CSMD1: variants seen among roughly 807,000 people sequenced by gnomAD.
CSMD1 encodes CUB and Sushi multiple domains 1.
A neutral mutation model predicts 417.5 loss-of-function variants in CSMD1; 213 were observed. That is an observed-to-expected ratio of 0.51 (90% CI 0.46 to 0.57). The LOEUF (loss-of-function observed/expected upper bound fraction) is 0.57, where lower values mean the gene tolerates loss of function less well. Among genes scored for constraint, CSMD1 ranks in the 20% least tolerant of loss-of-function variants. The probability of loss-of-function intolerance (pLI) is 0.00; values close to 1 mark genes in which losing one functional copy is unlikely to be tolerated. For missense variants in CSMD1, 6,923 were observed against 4,529.7 expected (o/e 1.53, Z -15.17); for synonymous variants, 2,862 against 1,736.8 (o/e 1.65, Z -16.11).
At position 3,004,235 on chromosome 8, in the gene CSMD1, G is replaced by A. The variant is rs180866568; in HGVS notation, c.8030-4104C>T. Among the ~76,000 whole-genome samples, 13 of 152,224 alleles carry A rather than the reference G, an allele frequency of 8.5e-5. No individual in the cohort carries two copies. In the East Asian group the frequency reaches 2.5e-3, roughly 29 times the overall value. On this transcript the variant is annotated intron_variant, in intron 52 of 69. Transcript: ENST00000635120. ...AGAGGCTGTGATTTGTCTTGATTTT[G>A]CAGACTTTGTTTATTTATTATTCAT...
intron 18 of CSMD1, among the ~76,000 whole-genome samples, chr8:3,385,051 T>C (rs1231561222): frequency 5.2e-5 from 6 of 115,280 alleles, no homozygotes; most frequent in African/African-American, 7.1e-5. Context: ...TATATAAATA[T>C]ATAATATATA....
chr8:4,155,677 T>G (rs141195599), intron 3 of CSMD1, among the ~76,000 whole-genome samples: 145 of 152,262 alleles, frequency 9.5e-4, no homozygotes, highest in African/African-American at 3.3e-3. Context: ...TGACAGATTT[T>G]AAGCAAATTT....
Position 4,772,531 on chromosome 8 carries a change from T to A in CSMD1, c.86-134973A>T, listed in dbSNP as rs138500836. 3.4e-3 allele frequency among the ~76,000 whole-genome samples: 512 copies of A among 152,328 alleles called. 4 individuals carry two copies. Among genetic ancestry groups the A allele is most frequent in the African/African-American group, 0.012 (482 of 41,570 alleles). On this transcript the variant is annotated intron_variant, in intron 1 of 69. Transcript: ENST00000635120. ...ATCTGGTATTACAGCATGGATATTT[T>A]GAGAAAAGTTTTTAGCAGTCACATA...
At chr8:4,511,749 G>A (rs759179624) in intron 2 of CSMD1, among the ~76,000 whole-genome samples, 5 of 152,144 alleles carry the variant, frequency 3.3e-5, no homozygotes, top group Non-Finnish European at 7.3e-5. Flanking sequence ...TCAGTCATTA[G>A]GGGGCCCATT....
intron 41 of CSMD1, among the ~76,000 whole-genome samples, chr8:3,134,911 C>T (rs1021089651): frequency 4.6e-5 from 7 of 152,116 alleles, no homozygotes; most frequent in African/African-American, 9.7e-5. Flanking sequence ...GCACACCATA[C>T]GTAACAGTTA....
chr8:4,476,453 A>G (rs1800807156), intron 2 of CSMD1, among the ~76,000 whole-genome samples: 3 of 152,194 alleles, frequency 2.0e-5, no homozygotes, highest in African/African-American at 7.2e-5. Context: ...CATATGGTAA[A>G]ATCATATAAT....
intron 40 of CSMD1, among the ~76,000 whole-genome samples, chr8:3,147,963 C>G (rs184072520): frequency 7.1e-4 from 108 of 152,262 alleles, no homozygotes; most frequent in African/African-American, 2.4e-3. Context: ...TCTTTTGCAA[C>G]CTGATCACCA....
At chr8:2,959,813 A>G (rs1039522433) in intron 62 of CSMD1, among the ~76,000 whole-genome samples, 11 of 152,198 alleles carry the variant, frequency 7.2e-5, no homozygotes, top group African/African-American at 2.7e-4. Context: ...GTTCCTAATA[A>G]AGGAAGAAAT....
chr8:4,811,295 G>T (rs988825486), intron 1 of CSMD1, among the ~76,000 whole-genome samples: 1 of 152,108 alleles, frequency 6.6e-6, no homozygotes, highest in Non-Finnish European at 1.5e-5. Context: ...GTCAAACCTA[G>T]TATTAATTGG....
chr8:3,344,125 C>T (rs1440063405), intron 22 of CSMD1, among the ~76,000 whole-genome samples: 1 of 152,284 alleles, frequency 6.6e-6, no homozygotes, highest in Admixed American at 6.5e-5. Context: ...GAAGACAAGG[C>T]TTGGTTTTGA....
chr8:3,952,608 A>C (rs1354289843), intron 5 of CSMD1, among the ~76,000 whole-genome samples: 1 of 152,206 alleles, frequency 6.6e-6, no homozygotes, highest in Non-Finnish European at 1.5e-5. Flanking sequence ...AGAGAGGAGA[A>C]TGGAAGAAAT....
At chr8:3,855,691 T>C (rs748925542) in intron 5 of CSMD1, among the ~76,000 whole-genome samples, 32 of 152,204 alleles carry the variant, frequency 2.1e-4, no homozygotes, top group Non-Finnish European at 4.7e-4. Flanking sequence ...ATTTACCATA[T>C]AACAGCGTAA....
intron 3 of CSMD1, among the ~76,000 whole-genome samples, chr8:4,256,855 C>T (rs542730671): frequency 6.6e-6 from 1 of 152,276 alleles, no homozygotes; most frequent in East Asian, 1.9e-4. Flanking sequence ...CAAGAGTCAC[C>T]ATCGCATAAA....
At chr8:3,075,771 G>A (rs1201317945) in intron 49 of CSMD1, among the ~76,000 whole-genome samples, 3 of 151,804 alleles carry the variant, frequency 2.0e-5, no homozygotes, top group Admixed American at 1.3e-4. Flanking sequence ...GCTGGGCGCG[G>A]TGGCTCATGC....
chr8:3,854,105 A>G (rs1197736198), intron 5 of CSMD1, among the ~76,000 whole-genome samples: 1 of 146,216 alleles, frequency 6.8e-6, no homozygotes, highest in Non-Finnish European at 1.5e-5. Flanking sequence ...ATTATACTTT[A>G]TATAGTTATA....
At chr8:4,685,200 G>C (rs1191139180) in intron 1 of CSMD1, among the ~76,000 whole-genome samples, 3 of 152,170 alleles carry the variant, frequency 2.0e-5, no homozygotes, top group South Asian at 2.1e-4. Flanking sequence ...TCTCAAATGA[G>C]AATAATGGCC....
At chr8:3,323,331 T>A (rs1378340695) in intron 23 of CSMD1, among the ~76,000 whole-genome samples, 2 of 152,064 alleles carry the variant, frequency 1.3e-5, no homozygotes, top group African/African-American at 4.8e-5. Context: ...TTTTCCCAAG[T>A]CTTACCTCTA....
intron 26 of CSMD1, among the ~76,000 whole-genome samples, chr8:3,234,515 C>T (rs1008156724): frequency 6.6e-6 from 1 of 151,132 alleles, no homozygotes; most frequent in African/African-American, 2.4e-5. Context: ...GCTTGGGTTT[C>T]GGAGTAGGTT....
At chr8:3,352,541 A>G (rs1485976781) in intron 21 of CSMD1, among the ~76,000 whole-genome samples, 1 of 152,148 alleles carries the variant, frequency 6.6e-6, no homozygotes, top group Non-Finnish European at 1.5e-5. Context: ...GCATGTTCTT[A>G]TTACTATTAC....
Sources: allele counts gnomAD v4.1 joint callset (sites outside exome capture counted in the v4.1 genomes callset), GRCh38; gene constraint gnomAD v4.1.1; transcripts MANE v1.5; gene names NCBI Gene and HGNC (gene_info 2026-07-23, HGNC 2026-07-21).